PER3: variants seen among roughly 807,000 people sequenced by gnomAD.
The protein encoded by PER3 is period circadian protein homolog 3.
PER3 carries 107 observed loss-of-function variants against 127.2 expected under a neutral mutation model. That is an observed-to-expected ratio of 0.84 (90% confidence interval 0.72 to 0.99). The LOEUF (loss-of-function observed/expected upper bound fraction) is 0.99. Ranked by LOEUF, PER3 falls within the 50% of genes least tolerant of loss-of-function variation. The pLI is 0.00. For synonymous variants in PER3, 618 were observed against 585.8 expected (o/e 1.05, Z -0.79); for missense variants, 1,560 against 1,525.8 (o/e 1.02, Z -0.37).
rs776282180 is a variant in PER3, at chr1:7,827,653, A to G, written c.2724A>G (p.Gln908=). 3.7e-5 allele frequency: 60 copies of G among 1,614,024 alleles called. No homozygotes were observed. Among genetic ancestry groups the G allele is most frequent in the Non-Finnish European group, 3.9e-5 (46 of 1,180,028 alleles). The change falls in exon 18 of 22, where the codon CAA becomes CAG. Residue 908 remains glutamine (Q), a synonymous_variant. Transcript: ENST00000377532. ...TLDPPPSVTS[Q]RREEEKWEAQ... is the part of the protein sequence containing the mutation. ...ACCCACCCCCTTCAGTCACCAGCCA[A>G]AGGAGAGAGGAGGAAAAGTGGGAGG...
In PER3 at chr1:7,788,216, C is replaced by G. The variant is rs754936631; in HGVS notation, c.562C>G (p.Leu188Val). Residue 188 changes from leucine to valine, a missense_variant, in exon 5 of 22, where the codon CTT (leucine) becomes GTT (valine). Physicochemically the swap from Leu to Val is conservative, Grantham distance 32 (BLOSUM62 1). Coordinates refer to ENST00000377532, the MANE Select transcript of PER3 (RefSeq NM_001377275.1). Reference protein sequence around the residue: ...VFYAHTARAQLPFWNNWTQRA... With the variant: ...VFYAHTARAQVPFWNNWTQRA... ...CTACGCGCACACTGCCAGAGCTCAG[C>G]TTCCTTTCTGGAACAACTGGACCCA... 1 of 1,613,988 alleles carries G rather than the reference C, an allele frequency of 6.2e-7. No homozygotes were observed.
chr1:7,829,451 T>G (rs1439047761), intron 18 of PER3, among the ~76,000 whole-genome samples: 1 of 152,236 alleles, frequency 6.6e-6, no homozygotes, highest in African/African-American at 2.4e-5. Flanking sequence ...CTCTTTGGCA[T>G]ATCCCAATTG....
intron 16 of PER3, among the ~76,000 whole-genome samples, chr1:7,825,031 A>G (rs191169930): frequency 1.4e-5 from 2 of 147,830 alleles, no homozygotes; most frequent in African/African-American, 2.5e-5. Flanking sequence ...CTATTATTTT[A>G]TATATTTTGG....
chr1:7,839,838 A>G (rs1455342403), intron 21 of PER3, among the ~76,000 whole-genome samples: 1 of 152,082 alleles, frequency 6.6e-6, no homozygotes, highest in Non-Finnish European at 1.5e-5. Flanking sequence ...ACGGTATTTA[A>G]TTATAGTGTG....
chr1:7,799,288 A>C (rs1374635121), intron 7 of PER3, among the ~76,000 whole-genome samples: 5 of 152,176 alleles, frequency 3.3e-5, no homozygotes, highest in Admixed American at 2.6e-4. Flanking sequence ...TTGCGTATTA[A>C]AAATAAGACA....
In PER3 at chr1:7,801,209, C is replaced by G; in HGVS notation, c.872+18C>G. The G allele has an allele frequency of 2.2e-6, 3 of 1,355,888 alleles. No homozygotes were observed. Among genetic ancestry groups the G allele is most frequent in the Non-Finnish European group, 3.1e-6 (3 of 966,950 alleles). 84.0% of individuals were successfully genotyped at this position (1,355,888 alleles called of 1,614,324 possible). A position where few individuals can be genotyped will look rare whatever the true frequency, so the allele number is the denominator to read the frequency against. On this transcript the variant is annotated intron_variant, in intron 8 of 21. Coordinates refer to ENST00000377532, the MANE Select transcript of PER3 (RefSeq NM_001377275.1). ...GATGAAAAGTAAGTACTTCTTTAAG[C>G]CTAAAAGAAATTTGTTTCTGAAAAT... is the stretch of plus-strand genomic sequence containing the variant.
In PER3 at chr1:7,786,725, C is replaced by A; in HGVS notation, c.279C>A (p.Asn93Lys). ...TTATCTCCCTGTGTTTCTTAGCAAACAGTGAGTTTTTCCAGATTCTCAGTC... is the reference window on the plus strand; with the variant it reads ...TTATCTCCCTGTGTTTCTTAGCAAAAAGTGAGTTTTTCCAGATTCTCAGTC... ...ALRCVHSVQA[N>K]SEFFQILSQN... The change falls in exon 4 of 22, where the codon AAC becomes AAA. Residue 93 changes from asparagine to lysine, a missense_variant. Around this residue, in one of 3 missense-constraint regions of PER3, gnomAD observed 1,332 missense variants for 1,223.6 expected, o/e 1.09. Coordinates refer to ENST00000377532, the MANE Select transcript of PER3 (RefSeq NM_001377275.1). 1 of 1,564,474 alleles carries A rather than the reference C, an allele frequency of 6.4e-7. No individual in the cohort carries two copies. The highest frequency in any genetic ancestry group is 8.8e-7 in the Non-Finnish European group (1 of 1,134,682).
chr1:7,806,810 A>T (rs368175743), intron 10 of PER3, among the ~76,000 whole-genome samples: 12,444 of 73,666 alleles, frequency 0.17, 855 homozygotes, highest in East Asian at 0.24. Context: ...AAAAAAAAAA[A>T]AAATATATAT....
intron 13 of PER3, among the ~76,000 whole-genome samples, chr1:7,816,157 T>C (rs1429669376): frequency 6.6e-6 from 1 of 151,740 alleles, no homozygotes; most frequent in Non-Finnish European, 1.5e-5. Flanking sequence ...GCTTCCTCCT[T>C]AAAAATAAGA....
chr1:7,799,610 C>CAAAAAAAAAAAAAAAAAAAAAAAAAAA (rs759699006), intron 7 of PER3, among the ~76,000 whole-genome samples: 1 of 93,254 alleles, frequency 1.1e-5, no homozygotes, highest in South Asian at 3.6e-4. Flanking sequence ...AACTCTGTCT[C>CAAAAAAAAAAAAAAAAAAAAAAAAAAA]AAAAAAAAAA....
chr1:7,784,686 T>G lies in PER3; in HGVS notation c.-192T>G. ...TCCTGAAAGTCGAGCGAGCTCCGGGTTTTGAAAATGTTGGAGGGAAAAGCT... is the reference window on the plus strand; with the variant it reads ...TCCTGAAAGTCGAGCGAGCTCCGGGGTTTGAAAATGTTGGAGGGAAAAGCT... On this transcript the variant is annotated 5_prime_UTR_variant, in exon 2 of 22. Transcript: ENST00000377532. 3.9e-6 allele frequency: 2 copies of G among 513,296 alleles called. No homozygotes were observed. Among genetic ancestry groups the G allele is most frequent in the Non-Finnish European group, 6.5e-6 (2 of 309,206 alleles). The allele number at this position is 513,296 out of a possible 1,614,324, so 31.8% of individuals were successfully genotyped here. A position where few individuals can be genotyped will look rare whatever the true frequency, so the allele number is the denominator to read the frequency against.
rs570555323 is a variant in PER3 at position 7,801,239 on chromosome 1, A to T, written c.872+48A>T. ...AAGAAATTTGTTTCTGAAAATAAAT[A>T]TAAATGTGAAGAAGATTACATTATG... On this transcript the variant is annotated intron_variant, in intron 8 of 21. Coordinates refer to ENST00000377532, the MANE Select transcript of PER3 (RefSeq NM_001377275.1). 15 of 1,017,692 alleles carry T rather than the reference A, an allele frequency of 1.5e-5. No individual in the cohort carries two copies. The Admixed American group carries it at 2.1e-4, about 14-fold the overall frequency. 63.0% of individuals were successfully genotyped at this position (1,017,692 alleles called of 1,614,324 possible).
In PER3 at chr1:7,827,211, C is replaced by G. The variant is rs139934930; in HGVS notation, c.2282C>G (p.Ser761Trp). The stretch of plus-strand genomic sequence containing the variant: ...CCGGAGCCGCCAGACAGCAGCAGCT[C>G]GAACACCGGCTCTGGTCCCCGCAGG... Reference protein sequence around the residue: ...KLPEPPDSSSSNTGSGPRRGA... With the variant: ...KLPEPPDSSSWNTGSGPRRGA... Residue 761 changes from serine to tryptophan, a missense_variant, in exon 18 of 22, where the codon TCG (serine) becomes TGG (tryptophan). Physicochemically the swap from Ser to Trp is radical, Grantham distance 177. Transcript: ENST00000377532. The G allele has an allele frequency of 6.2e-7, 1 of 1,613,888 alleles. No individual in the cohort carries two copies. Among genetic ancestry groups the G allele is most frequent in the Non-Finnish European group, 8.5e-7 (1 of 1,179,964 alleles).
At chr1:7,841,823 G>T (rs1459777845) in intron 21 of PER3, among the ~76,000 whole-genome samples, 1 of 152,114 alleles carries the variant, frequency 6.6e-6, no homozygotes, top group Non-Finnish European at 1.5e-5. Context: ...TGTTCTGGTT[G>T]TAAATAGACA....
In PER3 at chr1:7,826,959, A is replaced by G; in HGVS notation, c.2189-159A>G. On this transcript the variant is annotated intron_variant, in intron 17 of 21. Coordinates refer to ENST00000377532, the MANE Select transcript of PER3 (RefSeq NM_001377275.1). This position sits in a 1 kb window ranked among gnomAD's most constrained non-coding sequence, Gnocchi z 4.2. Reference sequence around the variant, plus strand: ...AGTTTATTTGATAGCAACTATTTTTATCCGGAATTTTGTTCATCTTTTTAG... The same window carrying G: ...AGTTTATTTGATAGCAACTATTTTTGTCCGGAATTTTGTTCATCTTTTTAG... 1 of 643,506 alleles carries G rather than the reference A, an allele frequency of 1.6e-6. No individual in the cohort carries two copies. Among genetic ancestry groups the G allele is most frequent in the South Asian group, 2.1e-5 (1 of 48,208 alleles). 39.9% of individuals were successfully genotyped at this position (643,506 alleles called of 1,614,324 possible). A position where few individuals can be genotyped will look rare whatever the true frequency, so the allele number is the denominator to read the frequency against.
Position 7,826,215 on chromosome 1 carries a change from GA to G in PER3, c.1958-264del, listed in dbSNP as rs1172473054. On this transcript the variant is annotated intron_variant, in intron 16 of 21. Transcript: ENST00000377532. The surrounding 1 kb of genome is among the most constrained non-coding windows in gnomAD (Gnocchi z 4.2). ...AAAGAAATTTTGAAGAATTCAGGGA[GA>G]GAGAAAAATGTTTACAATAAAAGCA... 6.6e-6 allele frequency among the ~76,000 whole-genome samples: 1 copy of G among 152,204 alleles called. No individual in the cohort carries two copies. The highest frequency in any genetic ancestry group is 1.5e-5 in the Non-Finnish European group (1 of 68,036).
chr1:7,829,210 TC>T (rs548352387), intron 18 of PER3, among the ~76,000 whole-genome samples: 55 of 152,316 alleles, frequency 3.6e-4, no homozygotes, highest in Non-Finnish European at 7.2e-4. Context: ...GTATGTTTTT[TC>T]CTAAACATAC....
Position 7,810,014 on chromosome 1 carries a change from C to T in PER3, c.1364C>T (p.Ala455Val), listed in dbSNP as rs750771308. 20 of 1,613,080 alleles carry T rather than the reference C, an allele frequency of 1.2e-5. No individual in the cohort carries two copies. The East Asian group carries it at 1.8e-4, about 14-fold the overall frequency. ...ASGHRVEETK[A>V]EQMTLQQVYA... ...GGGCACCGTGTGGAGGAGACGAAGGCGGAGCAGGTGCATGGGCTTATGTCA... is the reference window on the plus strand; with the variant it reads ...GGGCACCGTGTGGAGGAGACGAAGGTGGAGCAGGTGCATGGGCTTATGTCA... The change falls in exon 12 of 22, where the codon GCG becomes GTG. Residue 455 changes from alanine (A) to valine (V), a missense_variant. This residue lies in a region of PER3 where 1,332 missense variants were observed against 1,223.6 expected (regional missense o/e 1.09). Coordinates refer to ENST00000377532, the MANE Select transcript of PER3 (RefSeq NM_001377275.1).
intron 10 of PER3, 72 bp from the exon 11 acceptor site, chr1:7,808,821 A>T: frequency 1.3e-6 from 1 of 798,472 alleles, no homozygotes; most frequent in East Asian, 2.5e-5. Context: ...CTATTCTTGG[A>T]ATAGTCTATT....
Sources: gnomAD v4.1 joint callset for allele counts (sites outside exome capture counted in the v4.1 genomes callset) on GRCh38, gnomAD v4.1.1 for gene constraint, gnomAD v4.1.1 regional missense constraint, Gnocchi (gnomAD v3.1) non-coding constraint, MANE v1.5 for transcripts, NCBI Gene and HGNC (gene_info 2026-07-23, HGNC 2026-07-21) for gene names.